The following EXD3 variants were observed in gnomAD, a reference collection of about 807,000 sequenced individuals.
The protein encoded by EXD3 is exonuclease 3'-5' domain containing 3.
A neutral mutation model predicts 98.0 loss-of-function variants in EXD3; 92 were observed. That is an observed-to-expected ratio of 0.94 (90% CI 0.79 to 1.12). The LOEUF (loss-of-function observed/expected upper bound fraction) is 1.12. EXD3 is among the 50% of genes most tolerant of loss of function. The pLI is 0.00. For missense variants in EXD3, 1,222 were observed against 1,191.6 expected (o/e 1.03, Z -0.38); for synonymous variants, 569 against 526.0 (o/e 1.08, Z -1.12).
intron 1 of EXD3, among the ~76,000 whole-genome samples, chr9:137,400,029 CAAAAAAAAA>C (rs36029399): frequency 1.4e-5 from 1 of 73,330 alleles, no homozygotes; most frequent in Non-Finnish European, 2.6e-5. Context: ...AACTCCATCT[CAAAAAAAAA>C]AAAAAAAAAA....
At position 137,373,576 on chromosome 9, in the gene EXD3, C is replaced by T. The variant is rs201257082; in HGVS notation, c.144G>A (p.Gly48=). ...RKQLREEAWR[G]FAALDDPLAG... ...CCAGGGGGTCGTCCAAGGCAGCAAA[C>T]CCCCGCCAGGCTTCCTCCCGGAGCT... Residue 48 remains glycine, a synonymous_variant, in exon 4 of 22, where the codon GGG becomes GGA. Coordinates refer to ENST00000340951, the MANE Select transcript of EXD3 (RefSeq NM_017820.5). The T allele has an allele frequency of 1.5e-4, 243 of 1,603,000 alleles. No homozygotes were observed. In the Middle Eastern group the frequency reaches 2.0e-3, roughly 13 times the overall value.
At chr9:137,369,227 T>C (rs1397236302) in intron 5 of EXD3, among the ~76,000 whole-genome samples, 2 of 149,738 alleles carry the variant, frequency 1.3e-5, no homozygotes, top group Non-Finnish European at 3.0e-5. Context: ...GCGCAGGGCC[T>C]GGGAGGTGGG....
intron 3 of EXD3, among the ~76,000 whole-genome samples, chr9:137,375,074 T>C (rs1835827029): frequency 6.6e-6 from 1 of 151,928 alleles, no homozygotes; most frequent in Non-Finnish European, 1.5e-5. Flanking sequence ...AGTGGCGCGA[T>C]CTCGACTCAC....
At chr9:137,354,226 G>A in intron 10 of EXD3, 113 bp downstream of exon 10, 7 of 1,505,300 alleles carry the variant, frequency 4.7e-6, no homozygotes, top group Non-Finnish European at 6.3e-6. Flanking sequence ...GGGCTCAGCA[G>A]CCCCAGCGAA....
chr9:137,361,221 G>T (rs1834985711), intron 7 of EXD3, among the ~76,000 whole-genome samples: 2 of 87,410 alleles, frequency 2.3e-5, no homozygotes, highest in African/African-American at 6.3e-5. Flanking sequence ...CAGAAAAAGA[G>T]CTGTGGAGCT....
intron 14 of EXD3, among the ~76,000 whole-genome samples, chr9:137,350,558 T>G (rs1325757842): frequency 5.2e-4 from 18 of 34,286 alleles, no homozygotes; most frequent in Admixed American, 8.5e-4. Flanking sequence ...TAGAGAGGGG[T>G]GGGGATCACG....
intron 1 of EXD3, among the ~76,000 whole-genome samples, chr9:137,406,957 A>C (rs1837744090): frequency 6.6e-6 from 1 of 152,044 alleles, no homozygotes; most frequent in Non-Finnish European, 1.5e-5. Context: ...AGAGGTGCGG[A>C]GCCAACACTG....
intron 12 of EXD3, 78 bp downstream of exon 12, chr9:137,351,988 C>G: frequency 6.6e-7 from 1 of 1,511,110 alleles, no homozygotes; most frequent in Non-Finnish European, 8.9e-7. Context: ...TCTCCGAATG[C>G]CATGCCCCTG....
chr9:137,335,292 C>T (rs752736831), intron 17 of EXD3, among the ~76,000 whole-genome samples: 30 of 152,024 alleles, frequency 2.0e-4, no homozygotes, highest in Admixed American at 8.5e-4. Context: ...ACGCAGCAAA[C>T]GTGAAAAATC....
rs1343353482 is a variant in EXD3 at position 137,393,766 on chromosome 9, C to T, written c.55+1537G>A. Among the ~76,000 whole-genome samples, 2 of 152,182 alleles carry T rather than the reference C, an allele frequency of 1.3e-5. No individual in the cohort carries two copies. The highest frequency in any genetic ancestry group is 2.9e-5 in the Non-Finnish European group (2 of 68,004). ...GCCATGGCCCTGCCCCATGGAGGGG[C>T]TGCCAGGCAGGGCATGTGTAGGGTG... On this transcript the variant is annotated intron_variant, in intron 2 of 21. Coordinates refer to ENST00000340951, the MANE Select transcript of EXD3 (RefSeq NM_017820.5). This position sits in a 1 kb window ranked among gnomAD's most constrained non-coding sequence, Gnocchi z 4.6.
intron 9 of EXD3, 78 bp from the exon 10 acceptor site, chr9:137,354,455 A>T: frequency 9.4e-6 from 15 of 1,597,668 alleles, no homozygotes; most frequent in Non-Finnish European, 1.2e-5. Context: ...GTTTTCCTCG[A>T]CCCCTGGCAG....
intron 17 of EXD3, among the ~76,000 whole-genome samples, chr9:137,337,296 T>C (rs1833404467): frequency 6.6e-6 from 1 of 152,194 alleles, no homozygotes; most frequent in African/African-American, 2.4e-5. Flanking sequence ...CTGATGAATG[T>C]ACCATCACAG....
In EXD3 at chr9:137,348,165, T is replaced by C; in HGVS notation, c.1904A>G (p.Asp635Gly). The change falls in exon 17 of 22, where the codon GAC (aspartate) becomes GGC (glycine). Residue 635 changes from aspartate to glycine, a missense_variant. By Grantham distance (94) the Asp-to-Gly change is moderately conservative. Coordinates refer to ENST00000340951, the MANE Select transcript of EXD3 (RefSeq NM_017820.5). ...IPARAFRVVC[D>G]NMLQGLARSL... is the part of the protein sequence containing the mutation. ...CCGTGCCAGCCCCTGCAGCATGTTG[T>C]CACACACCACACGGAAGGCCCTGGC... 1.2e-6 allele frequency: 2 copies of C among 1,610,626 alleles called. No homozygotes were observed. Among genetic ancestry groups the C allele is most frequent in the African/African-American group, 1.3e-5 (1 of 74,284 alleles).
At chr9:137,308,923 GC>G (rs1287337095) in intron 20 of EXD3, among the ~76,000 whole-genome samples, 1 of 152,140 alleles carries the variant, frequency 6.6e-6, no homozygotes, top group Non-Finnish European at 1.5e-5. Context: ...GGGATTACAG[GC>G]GTGAGCCACC....
chr9:137,317,479 T>A (rs1396184411), intron 19 of EXD3, among the ~76,000 whole-genome samples: 1 of 152,068 alleles, frequency 6.6e-6, no homozygotes, highest in Non-Finnish European at 1.5e-5. Context: ...CTCACGAACC[T>A]GTGGTCCCCA....
chr9:137,308,327 G>A (rs1459727021), intron 20 of EXD3, among the ~76,000 whole-genome samples: 4 of 152,078 alleles, frequency 2.6e-5, no homozygotes, highest in African/African-American at 2.4e-5. Flanking sequence ...AATGCACCAC[G>A]CCCCCACCCC....
At chr9:137,353,303 G>A (rs1331192287) in intron 10 of EXD3, 41 of 985,180 alleles carry the variant, frequency 4.2e-5, no homozygotes, top group Middle Eastern at 5.2e-4. Context: ...AGCCTCTGCC[G>A]GCCCTCCTGC....
intron 8 of EXD3, among the ~76,000 whole-genome samples, chr9:137,355,541 A>AGGAGGACGGAGGAAGGAGGAT (rs1834647792): frequency 9.5e-5 from 5 of 52,616 alleles, no homozygotes; most frequent in Admixed American, 5.6e-4. Flanking sequence ...GGAAGGAGGA[A>AGGAGGACGGAGGAAGGAGGAT]GGAGGAAGGA....
At chr9:137,338,702 T>A (rs1215386979) in intron 17 of EXD3, among the ~76,000 whole-genome samples, 1 of 141,800 alleles carries the variant, frequency 7.1e-6, no homozygotes, top group African/African-American at 2.6e-5. Context: ...CTGGCTAACA[T>A]GGTGAAACCC....
Sources: allele counts gnomAD v4.1 joint callset (sites outside exome capture counted in the v4.1 genomes callset), GRCh38; gene constraint gnomAD v4.1.1; non-coding constraint Gnocchi (gnomAD v3.1); transcripts MANE v1.5; gene names NCBI Gene and HGNC (gene_info 2026-07-23, HGNC 2026-07-21).